The following TRPM3 variants were observed in gnomAD, a reference collection of about 807,000 sequenced individuals.
TRPM3 encodes the protein long transient receptor potential channel 3.
In TRPM3, 77 loss-of-function variants were observed where a neutral mutation model predicts 181.2. That is an observed-to-expected ratio of 0.42 (90% CI 0.35 to 0.51). The LOEUF (loss-of-function observed/expected upper bound fraction) is 0.51. Among genes scored for constraint, TRPM3 ranks in the 20% least tolerant of loss-of-function variants. The probability of loss-of-function intolerance (pLI) is 0.01; values close to 1 mark genes in which losing one functional copy is unlikely to be tolerated. For missense variants in TRPM3, 1,759 were observed against 2,196.7 expected (o/e 0.80, Z 3.98); for synonymous variants, 745 against 796.4 (o/e 0.94, Z 1.09).
At chr9:71,411,507 T>C (rs145466363) in intron 1 of TRPM3, among the ~76,000 whole-genome samples, 2 of 152,122 alleles carry the variant, frequency 1.3e-5, no homozygotes, top group Non-Finnish European at 2.9e-5. Context: ...CACAATTGCT[T>C]CAAAGAGAAT....
At chr9:71,017,116 T>A (rs2097791232) in intron 1 of TRPM3, among the ~76,000 whole-genome samples, 1 of 152,130 alleles carries the variant, frequency 6.6e-6, no homozygotes, top group African/African-American at 2.4e-5. Context: ...GCTCAGCTAA[T>A]CTACTTCTCA....
At chr9:71,081,384 GT>G (rs1457484240) in intron 1 of TRPM3, among the ~76,000 whole-genome samples, 2 of 152,146 alleles carry the variant, frequency 1.3e-5, no homozygotes, top group Non-Finnish European at 2.9e-5. Context: ...GTTTCTTAGT[GT>G]GCTCATCTTT....
At chr9:70,740,885 CTT>C (rs2073929386) in intron 8 of TRPM3, among the ~76,000 whole-genome samples, 1 of 152,176 alleles carries the variant, frequency 6.6e-6, no homozygotes. Context: ...CGGAAAAACC[CTT>C]CTAGACATTG....
chr9:71,354,181 T>TC (rs973200106), intron 1 of TRPM3, among the ~76,000 whole-genome samples: 29 of 152,010 alleles, frequency 1.9e-4, no homozygotes, highest in Non-Finnish European at 3.8e-4. Flanking sequence ...CAACCCTCAC[T>TC]CCCCAAAACT....
intron 1 of TRPM3, among the ~76,000 whole-genome samples, chr9:71,436,007 T>G (rs1461713822): frequency 6.6e-6 from 1 of 152,186 alleles, no homozygotes; most frequent in East Asian, 1.9e-4. Flanking sequence ...CAACTTGAAT[T>G]GTATCTCCCA....
intron 8 of TRPM3, among the ~76,000 whole-genome samples, chr9:70,751,241 T>C (rs1180685995): frequency 2.6e-5 from 4 of 152,114 alleles, no homozygotes; most frequent in Admixed American, 2.6e-4. Flanking sequence ...GAAAATGTCC[T>C]ATATTGGGAA....
chr9:70,822,822 TG>T (rs1379834626), intron 6 of TRPM3, among the ~76,000 whole-genome samples: 1 of 151,760 alleles, frequency 6.6e-6, no homozygotes, highest in East Asian at 1.9e-4. Flanking sequence ...CCCTGGTATT[TG>T]GGTCTGTGCC....
chr9:70,927,787 T>C (rs886382912), intron 1 of TRPM3, among the ~76,000 whole-genome samples: 1 of 152,144 alleles, frequency 6.6e-6, no homozygotes, highest in South Asian at 2.1e-4. Flanking sequence ...GCAAGCACAA[T>C]TGATTTGGGT....
At chr9:70,760,218 T>C (rs567156266) in intron 8 of TRPM3, among the ~76,000 whole-genome samples, 1 of 151,984 alleles carries the variant, frequency 6.6e-6, no homozygotes, top group East Asian at 1.9e-4. Flanking sequence ...CCTAGCTGCC[T>C]TTCTAGCAAA....
intron 1 of TRPM3, among the ~76,000 whole-genome samples, chr9:71,335,211 T>C (rs1281768296): frequency 1.3e-5 from 2 of 152,108 alleles, no homozygotes; most frequent in African/African-American, 4.8e-5. Context: ...TTAGCTCTCC[T>C]CCCTAGCAAG....
At chr9:71,088,104 G>A (rs1317313187) in intron 1 of TRPM3, among the ~76,000 whole-genome samples, 1 of 152,038 alleles carries the variant, frequency 6.6e-6, no homozygotes, top group Non-Finnish European at 1.5e-5. Context: ...ATGAGCTCTT[G>A]TCAACAATCA....
chr9:70,759,382 G>T (rs1296172653), intron 8 of TRPM3, among the ~76,000 whole-genome samples: 1 of 152,224 alleles, frequency 6.6e-6, no homozygotes, highest in Non-Finnish European at 1.5e-5. Context: ...TACACTGTTG[G>T]TGGGAGTGTA....
At chr9:70,540,720 A>AT in intron 25 of TRPM3, among the ~76,000 whole-genome samples, 1 of 152,038 alleles carries the variant, frequency 6.6e-6, no homozygotes, top group African/African-American at 2.4e-5. Context: ...TTTAGTATTT[A>AT]TTTTTATTTT....
At chr9:70,643,205 C>T (rs1050547180) in intron 9 of TRPM3, among the ~76,000 whole-genome samples, 2 of 152,158 alleles carry the variant, frequency 1.3e-5, no homozygotes, top group Non-Finnish European at 2.9e-5. Context: ...TCAAAATGTT[C>T]TGTCATCAAT....
At chr9:70,772,687 A>G (rs1355820244) in intron 7 of TRPM3, among the ~76,000 whole-genome samples, 2 of 152,168 alleles carry the variant, frequency 1.3e-5, no homozygotes, top group Non-Finnish European at 2.9e-5. Flanking sequence ...CAAACTCTCC[A>G]TCTTAGGCAG....
chr9:71,221,577 T>C (rs1050851700), intron 1 of TRPM3, among the ~76,000 whole-genome samples: 1 of 152,214 alleles, frequency 6.6e-6, no homozygotes, highest in Non-Finnish European at 1.5e-5. Flanking sequence ...GTATGTCTTT[T>C]GGGACCATCC....
chr9:71,412,761 G>A (rs761004428), intron 1 of TRPM3, among the ~76,000 whole-genome samples: 23 of 152,118 alleles, frequency 1.5e-4, no homozygotes, highest in Non-Finnish European at 3.1e-4. Flanking sequence ...TATACCCAAA[G>A]GATTATAAAG....
rs1222851491 is a variant in TRPM3, at chr9:70,696,497, A to T, written c.1273-14919T>A. Among the ~76,000 whole-genome samples, 6 of 152,194 alleles carry T rather than the reference A, an allele frequency of 3.9e-5. No homozygotes were observed. In the East Asian group the frequency reaches 1.2e-3, roughly 29 times the overall value. ...GCCTTGTAGGATAATCATAGGCAAAAGAGATACTATCATTTGGTCAGGAAC... is the reference window on the plus strand; with the variant it reads ...GCCTTGTAGGATAATCATAGGCAAATGAGATACTATCATTTGGTCAGGAAC... On this transcript the variant is annotated intron_variant, in intron 8 of 25. Transcript: ENST00000677713.
At chr9:70,923,803 A>T (rs566593396) in intron 1 of TRPM3, among the ~76,000 whole-genome samples, 2,183 of 143,234 alleles carry the variant, frequency 0.015, 28 homozygotes, top group Non-Finnish European at 0.025. Flanking sequence ...ACACACACAC[A>T]CTCTCTCTCT....
Sources: allele counts gnomAD v4.1 joint callset (sites outside exome capture counted in the v4.1 genomes callset), GRCh38; gene constraint gnomAD v4.1.1; transcripts MANE v1.5; gene names NCBI Gene and HGNC (gene_info 2026-07-23, HGNC 2026-07-21).